The following LINGO2 variants were observed in gnomAD, a reference collection of about 807,000 sequenced individuals.
LINGO2 encodes leucine rich repeat and Ig domain containing 2.
Under a neutral mutation model 30.6 loss-of-function variants are expected in LINGO2, and 14 were observed. The ratio of observed to expected loss-of-function variants is 0.46; its 90% CI spans 0.30 to 0.72. The LOEUF is 0.72. LINGO2 is among the 30% of genes least tolerant of loss of function. The probability of loss-of-function intolerance (pLI) is 0.07; values close to 1 mark genes in which losing one functional copy is unlikely to be tolerated. For missense variants in LINGO2, 729 were observed against 751.7 expected (o/e 0.97, Z 0.35); for synonymous variants, 317 against 288.5 (o/e 1.10, Z -1.00).
At chr9:28,707,814 G>T in the LINGO2 span, among the ~76,000 whole-genome samples, 1 of 152,060 alleles carries the variant, frequency 6.6e-6, no homozygotes, top group Non-Finnish European at 1.5e-5. Flanking sequence ...TCTGTGCTGA[G>T]AATTATAGAA....
At chr9:28,252,946 T>C (rs1257486731) in intron 4 of LINGO2, among the ~76,000 whole-genome samples, 1 of 151,880 alleles carries the variant, frequency 6.6e-6, no homozygotes, top group East Asian at 1.9e-4. Context: ...ACTTAAAAAA[T>C]ATAAACAAAG....
downstream of LINGO2, among the ~76,000 whole-genome samples, chr9:27,945,357 G>C (rs528332371): frequency 2.5e-4 from 38 of 152,158 alleles, no homozygotes; most frequent in East Asian, 7.2e-3. Context: ...TGCAACTTCT[G>C]GACTCCTGTA....
In LINGO2 at chr9:28,304,904, G is replaced by A. The variant is rs1824285837; in HGVS notation, c.-245-9538C>T. ...CTGAGGTTATAATGCCTCTAGTAAA[G>A]TTAGCAATAAGATGTAAAGTCTTTA... On this transcript the variant is annotated intron_variant, in intron 3 of 5. Transcript: ENST00000379992. 2.0e-5 allele frequency among the ~76,000 whole-genome samples: 3 copies of A among 152,068 alleles called. 1 individual carries two copies. The South Asian group carries it at 6.2e-4, about 32-fold the overall frequency.
At chr9:28,193,884 T>G (rs1256835934) in intron 4 of LINGO2, among the ~76,000 whole-genome samples, 1 of 152,190 alleles carries the variant, frequency 6.6e-6, no homozygotes, top group Non-Finnish European at 1.5e-5. Flanking sequence ...TCTAGGCTAG[T>G]TTGGTCTCCT....
At chr9:28,886,521 C>G in the LINGO2 span, among the ~76,000 whole-genome samples, 1 of 152,048 alleles carries the variant, frequency 6.6e-6, no homozygotes, top group African/African-American at 2.4e-5. Context: ...AGAGTCTTAC[C>G]TTCCAGGAAA....
At chr9:28,449,352 G>C (rs1824556918) in intron 2 of LINGO2, among the ~76,000 whole-genome samples, 1 of 151,886 alleles carries the variant, frequency 6.6e-6, no homozygotes, top group African/African-American at 2.4e-5. Flanking sequence ...CAAACAGTTT[G>C]TTTTCAAGCA....
chr9:28,266,656 T>C (rs1365902203), intron 4 of LINGO2, among the ~76,000 whole-genome samples: 2 of 152,016 alleles, frequency 1.3e-5, no homozygotes, highest in Non-Finnish European at 2.9e-5. Flanking sequence ...ATGCCATCCT[T>C]GATATTTGGA....
chr9:28,101,172 C>A (rs992781274), intron 4 of LINGO2, among the ~76,000 whole-genome samples: 5 of 151,634 alleles, frequency 3.3e-5, no homozygotes, highest in Non-Finnish European at 5.9e-5. Flanking sequence ...AATAAAATAA[C>A]ATTTGTTTTT....
chr9:28,012,320 G>A (rs112530571), intron 5 of LINGO2: 321 of 152,146 alleles, frequency 2.1e-3, no homozygotes, highest in South Asian at 3.9e-3. Context: ...CCCCACTTGC[G>A]AGAGAATGGA....
the LINGO2 span, among the ~76,000 whole-genome samples, chr9:28,718,098 A>C: frequency 4.6e-5 from 7 of 152,004 alleles, no homozygotes; most frequent in African/African-American, 1.7e-4. Flanking sequence ...TTAAAAGATT[A>C]ATTTCAACAA....
the LINGO2 span, among the ~76,000 whole-genome samples, chr9:28,913,605 A>G: frequency 6.6e-6 from 1 of 152,138 alleles, no homozygotes; most frequent in Non-Finnish European, 1.5e-5. Flanking sequence ...ATCAAAATAG[A>G]GAAAGAATAT....
chr9:28,730,365 G>A, the LINGO2 span, among the ~76,000 whole-genome samples: 7 of 152,140 alleles, frequency 4.6e-5, no homozygotes, highest in Non-Finnish European at 8.8e-5. Context: ...TCTCTGGGAC[G>A]AGAGTTGGGC....
intron 4 of LINGO2, among the ~76,000 whole-genome samples, chr9:28,284,771 C>T (rs1823447322): frequency 6.6e-6 from 1 of 152,116 alleles, no homozygotes; most frequent in Non-Finnish European, 1.5e-5. Flanking sequence ...GCTTTTAATG[C>T]ATTTTATGAT....
chr9:28,914,589 A>G, the LINGO2 span, among the ~76,000 whole-genome samples: 3 of 151,612 alleles, frequency 2.0e-5, no homozygotes, highest in Non-Finnish European at 4.4e-5. Context: ...TTATACATGG[A>G]TTTTTTTTTC....
At chr9:29,148,445 G>C in the LINGO2 span, among the ~76,000 whole-genome samples, 1 of 152,162 alleles carries the variant, frequency 6.6e-6, no homozygotes, top group Admixed American at 6.5e-5. Context: ...ATAAATGACA[G>C]AGTTGGAGTT....
At chr9:29,119,638 T>G in the LINGO2 span, among the ~76,000 whole-genome samples, 1 of 136,478 alleles carries the variant, frequency 7.3e-6, no homozygotes, top group African/African-American at 2.8e-5. Flanking sequence ...CAGGCTAGAG[T>G]GCAATGGCTC....
At chr9:28,391,047 T>A (rs1821811017) in intron 2 of LINGO2, among the ~76,000 whole-genome samples, 1 of 152,212 alleles carries the variant, frequency 6.6e-6, no homozygotes, top group Admixed American at 6.5e-5. Flanking sequence ...AAAACTTAGA[T>A]GTGGGTAATT....
intron 4 of LINGO2, among the ~76,000 whole-genome samples, chr9:28,076,403 T>A (rs1825624394): frequency 6.6e-6 from 1 of 152,116 alleles, no homozygotes; most frequent in Non-Finnish European, 1.5e-5. Flanking sequence ...ACAGTAAACA[T>A]ATCTGAAAAC....
At chr9:28,360,130 C>G (rs1587538996) in intron 3 of LINGO2, among the ~76,000 whole-genome samples, 1 of 152,146 alleles carries the variant, frequency 6.6e-6, no homozygotes, top group Admixed American at 6.6e-5. Context: ...TATGAGCTCA[C>G]AAAATGGTAG....
Sources: gnomAD v4.1 joint callset for allele counts (sites outside exome capture counted in the v4.1 genomes callset) on GRCh38, gnomAD v4.1.1 for gene constraint, MANE v1.5 for transcripts, NCBI Gene and HGNC (gene_info 2026-07-23, HGNC 2026-07-21) for gene names.